The following CHD1 variants were observed in gnomAD, a reference collection of about 807,000 sequenced individuals.
CHD1 encodes ATP-dependent chromatin remodeler CHD1.
Under a neutral mutation model 224.2 loss-of-function variants are expected in CHD1, and 36 were observed. The ratio of observed to expected loss-of-function variants is 0.16; its 90% CI spans 0.12 to 0.21. CHD1 has a LOEUF of 0.21. Among genes scored for constraint, CHD1 ranks in the 10% least tolerant of loss-of-function variants. CHD1 has a pLI of 1.00. For synonymous variants in CHD1, 668 were observed against 658.3 expected (o/e 1.01, Z -0.23); for missense variants, 1,378 against 1,994.8 (o/e 0.69, Z 5.89).
intron 15 of CHD1, among the ~76,000 whole-genome samples, chr5:98,891,830 AAAAG>A (rs993327261): frequency 3.3e-5 from 5 of 152,178 alleles, no homozygotes; most frequent in South Asian, 2.1e-4. Flanking sequence ...ACAAACAAAA[AAAAG>A]AAAGAAAGTG....
intron 16 of CHD1, 44 bp from the exon 17 acceptor site, chr5:98,888,284 G>C (rs774147190): frequency 7.0e-7 from 1 of 1,421,698 alleles, no homozygotes; most frequent in South Asian, 1.4e-5. Context: ...AGACATAAAT[G>C]GTAAGTTGTC....
At chr5:98,926,089 TAAGTA>T (rs1753436999) in intron 2 of CHD1, among the ~76,000 whole-genome samples, 1 of 152,118 alleles carries the variant, frequency 6.6e-6, no homozygotes, top group African/African-American at 2.4e-5. Context: ...CAAATAGATT[TAAGTA>T]AACAAAAACT....
chr5:98,893,235 A>C (rs147658631), intron 14 of CHD1, among the ~76,000 whole-genome samples, 181 bp downstream of exon 14: 2,220 of 152,316 alleles, frequency 0.015, 26 homozygotes, highest in Non-Finnish European at 0.02. Flanking sequence ...TATTAACAAA[A>C]TTGAAAAATT....
At chr5:98,901,134 A>G (rs751674265) in intron 6 of CHD1, 52 bp from the exon 7 acceptor site, 3 of 1,575,576 alleles carry the variant, frequency 1.9e-6, no homozygotes, top group East Asian at 4.5e-5. Context: ...CTATATACAA[A>G]AAGAACAAAT....
At chr5:98,927,334 AGGGGAGGGAGAGGAAGAAGCGG>A (rs796907649) in intron 1 of CHD1, among the ~76,000 whole-genome samples, 9 of 152,256 alleles carry the variant, frequency 5.9e-5, no homozygotes, top group African/African-American at 2.2e-4. Context: ...GATCTCTGGC[AGGGGAGGGAGAGGAAGAAGCGG>A]GGGAAGGAGA....
chr5:98,908,501 A>G (rs1163513886), intron 2 of CHD1, among the ~76,000 whole-genome samples: 1 of 152,174 alleles, frequency 6.6e-6, no homozygotes, highest in African/African-American at 2.4e-5. Context: ...GTCAAGCATT[A>G]AATGAAGAGT....
rs184299703 is a variant in CHD1 at position 98,869,003 on chromosome 5, G to A, written c.4108-368C>T. 5.5e-5 allele frequency: 46 copies of A among 835,580 alleles called. 1 individual carries two copies. Among genetic ancestry groups the A allele is most frequent in the Non-Finnish European group, 6.6e-5 (46 of 692,878 alleles). 51.8% of individuals were successfully genotyped at this position (835,580 alleles called of 1,614,324 possible). On this transcript the variant is annotated intron_variant, in intron 30 of 35. Transcript: ENST00000614616. ...TTTTACTTTCTACATTTTTTATTATGATTTGCATACCTTTTCTTCCTTTAT... is the reference window on the plus strand; with the variant it reads ...TTTTACTTTCTACATTTTTTATTATAATTTGCATACCTTTTCTTCCTTTAT...
intron 31 of CHD1, among the ~76,000 whole-genome samples, chr5:98,864,731 C>T (rs1748731651): frequency 6.6e-6 from 1 of 151,852 alleles, no homozygotes. Flanking sequence ...CTTTGAAGGA[C>T]CTCTCTTATT....
In CHD1 at chr5:98,928,858, C is replaced by G. The variant is rs1753697362; in HGVS notation, c.-468G>C. On this transcript the variant is annotated 5_prime_UTR_variant, in exon 1 of 36. Coordinates refer to ENST00000614616, the MANE Select transcript of CHD1 (RefSeq NM_001270.4). ...GCGCGCTCCCGCTCCCTCCGCTTAT[C>G]TGCCCCCGGCAGCCGCCATGACGCC... is the stretch of plus-strand genomic sequence containing the variant. The G allele has an allele frequency of 6.4e-6, 1 of 155,924 alleles. No homozygotes were observed. Among genetic ancestry groups the G allele is most frequent in the Non-Finnish European group, 1.4e-5 (1 of 70,310 alleles). 9.7% of individuals were successfully genotyped at this position (155,924 alleles called of 1,614,324 possible).
At chr5:98,903,251 C>A (rs1229066618) in intron 4 of CHD1, among the ~76,000 whole-genome samples, 1 of 152,082 alleles carries the variant, frequency 6.6e-6, no homozygotes, top group East Asian at 1.9e-4. Flanking sequence ...ATAGCCAAAA[C>A]AAGAAATCCT....
rs10653881 is a variant in CHD1 at position 98,867,557 on chromosome 5, CAT to C, written c.4248+936_4248+937del. 2.3e-3 allele frequency among the ~76,000 whole-genome samples: 345 copies of C among 146,918 alleles called. 1 individual carries two copies. The highest frequency in any genetic ancestry group is 7.9e-3 in the African/African-American group (288 of 36,650). On this transcript the variant is annotated intron_variant, in intron 31 of 35. Transcript: ENST00000614616. ...ACCATAAATAAGAAGCACTATTACA[CAT>C]GTGTGTGTGTGTGTGTACATATTTA...
chr5:98,857,335 G>GAC (rs1002745046), intron 35 of CHD1, among the ~76,000 whole-genome samples: 7 of 152,088 alleles, frequency 4.6e-5, no homozygotes, highest in Non-Finnish European at 7.4e-5. Context: ...TTTCCAAACT[G>GAC]ACACACACAC....
At chr5:98,877,426 T>C (rs370940278) in intron 23 of CHD1, among the ~76,000 whole-genome samples, 1 of 152,232 alleles carries the variant, frequency 6.6e-6, no homozygotes, top group East Asian at 1.9e-4. Context: ...ACAGATTGAT[T>C]AGCTGTCTTT....
At chr5:98,879,876 A>G (rs1176335794) in intron 22 of CHD1, 148 bp from the exon 23 acceptor site, 5 of 558,402 alleles carry the variant, frequency 9.0e-6, no homozygotes, top group East Asian at 3.1e-5. Context: ...ACCTAGATTC[A>G]TTTCTTCATT....
intron 2 of CHD1, among the ~76,000 whole-genome samples, chr5:98,908,975 T>C (rs1412602944): frequency 1.3e-5 from 2 of 152,094 alleles, no homozygotes; most frequent in Non-Finnish European, 2.9e-5. Flanking sequence ...AAGTTTAATA[T>C]ACAATTTCAA....
At chr5:98,895,654 G>A (rs1424630579) in intron 12 of CHD1, among the ~76,000 whole-genome samples, 5 of 151,420 alleles carry the variant, frequency 3.3e-5, no homozygotes, top group Non-Finnish European at 5.9e-5. Context: ...TTGGAAGGGT[G>A]AGGCAGAAGA....
chr5:98,925,721 G>C (rs577920574), intron 2 of CHD1, among the ~76,000 whole-genome samples: 48 of 152,068 alleles, frequency 3.2e-4, no homozygotes, highest in Admixed American at 1.2e-3. Context: ...AAATAAAAAA[G>C]GGCCACAGTA....
chr5:98,924,431 T>C (rs969092163), intron 2 of CHD1, among the ~76,000 whole-genome samples: 1 of 152,234 alleles, frequency 6.6e-6, no homozygotes, highest in Non-Finnish European at 1.5e-5. Flanking sequence ...AACTTTACGA[T>C]GCACTTTGTA....
chr5:98,884,721 C>CTTTTTT (rs375839054), intron 18 of CHD1, among the ~76,000 whole-genome samples: 4 of 142,250 alleles, frequency 2.8e-5, no homozygotes, highest in Non-Finnish European at 4.6e-5. Flanking sequence ...TTTTCTTTCC[C>CTTTTTT]TTTTTTTTTT....
Sources: gnomAD v4.1 joint callset for allele counts (sites outside exome capture counted in the v4.1 genomes callset) on GRCh38, gnomAD v4.1.1 for gene constraint, MANE v1.5 for transcripts, NCBI Gene and HGNC (gene_info 2026-07-23, HGNC 2026-07-21) for gene names.